Variants in VWA8 observed in about 807,000 individuals in gnomAD.
The protein encoded by VWA8 is von Willebrand factor A domain-containing protein 8.
A neutral mutation model predicts 241.5 loss-of-function variants in VWA8; 221 were observed. That is an observed-to-expected ratio of 0.91 (90% CI 0.82 to 1.02). VWA8 has a LOEUF of 1.02. Ranked by LOEUF, VWA8 falls within the 50% of genes least tolerant of loss-of-function variation. The pLI, the probability that VWA8 is intolerant of heterozygous loss-of-function variation, is 0.00. For missense variants in VWA8, 2,322 were observed against 2,328.7 expected, an observed-to-expected ratio of 1.00 and a Z score of 0.06; for synonymous variants, 852 against 827.1, an observed-to-expected ratio of 1.03 and a Z score of -0.52.
At chr13:41,615,789 C>A (rs944650750) in intron 37 of VWA8, among the ~76,000 whole-genome samples, 1 of 152,188 alleles carries the variant, frequency 6.6e-6, no homozygotes, top group Non-Finnish European at 1.5e-5. Flanking sequence ...CTTCCTATTT[C>A]ATTCAGTACA....
intron 14 of VWA8, among the ~76,000 whole-genome samples, chr13:41,821,913 C>A (rs1231512225): frequency 6.6e-6 from 1 of 152,030 alleles, no homozygotes; most frequent in African/African-American, 2.4e-5. Context: ...CAAAAAAGAG[C>A]ACACACTGTG....
intron 37 of VWA8, among the ~76,000 whole-genome samples, chr13:41,652,682 C>T (rs780980492): frequency 1.3e-5 from 2 of 152,068 alleles, no homozygotes; most frequent in Non-Finnish European, 2.9e-5. Flanking sequence ...GTGATGGAAC[C>T]AGAAAGAGGA....
In VWA8 at chr13:41,587,500, T is replaced by C. The variant is rs750947656; in HGVS notation, c.5271+12A>G. Reference sequence around the variant, plus strand: ...AATGATGCCTCTCATTATTCTTAGTTCATGTCATTACCTGGAACTTCTCCT... The same window carrying C: ...AATGATGCCTCTCATTATTCTTAGTCCATGTCATTACCTGGAACTTCTCCT... On this transcript the variant is annotated intron_variant, in intron 42 of 44. Transcript: ENST00000379310. The C allele has an allele frequency of 1.9e-6, 3 of 1,614,106 alleles. No homozygotes were observed. Among genetic ancestry groups the C allele is most frequent in the South Asian group, 2.2e-5 (2 of 91,072 alleles).
intron 39 of VWA8, among the ~76,000 whole-genome samples, chr13:41,606,201 A>C (rs117069977): frequency 6.6e-6 from 1 of 152,040 alleles, no homozygotes; most frequent in East Asian, 1.9e-4. Context: ...TGTCTCCCCA[A>C]CTAGGCTCTA....
chr13:41,708,818 C>T (rs2045298917), intron 26 of VWA8, among the ~76,000 whole-genome samples: 1 of 152,136 alleles, frequency 6.6e-6, no homozygotes, highest in South Asian at 2.1e-4. Context: ...GTGCTGTTGC[C>T]CAGCGTCACT....
At chr13:41,921,390 C>T (rs1039928807) in intron 2 of VWA8, among the ~76,000 whole-genome samples, 2 of 152,170 alleles carry the variant, frequency 1.3e-5, no homozygotes, top group Admixed American at 1.3e-4. Context: ...GACAGGGATG[C>T]CCTCTCTCAC....
intron 1 of VWA8, among the ~76,000 whole-genome samples, chr13:41,955,002 A>T (rs970827089): frequency 5.9e-5 from 9 of 152,226 alleles, no homozygotes; most frequent in African/African-American, 2.2e-4. Context: ...CTAAGTTTTA[A>T]TCATCATTTT....
chr13:41,626,251 A>G (rs2044690220), intron 37 of VWA8, among the ~76,000 whole-genome samples: 2 of 151,964 alleles, frequency 1.3e-5, no homozygotes, highest in African/African-American at 4.8e-5. Context: ...TAAAAAGAAA[A>G]CACTCATAAA....
intron 4 of VWA8, among the ~76,000 whole-genome samples, chr13:41,898,631 G>C (rs934529230): frequency 1.3e-5 from 2 of 152,380 alleles, no homozygotes; most frequent in African/African-American, 4.8e-5. Context: ...GGAGCAGGGG[G>C]CGGCATTCGT....
chr13:41,704,216 T>C (rs2045268446), intron 26 of VWA8, among the ~76,000 whole-genome samples: 1 of 152,194 alleles, frequency 6.6e-6, no homozygotes, highest in Non-Finnish European at 1.5e-5. Flanking sequence ...AATGTCCACA[T>C]AAATGTCAGC....
intron 16 of VWA8, among the ~76,000 whole-genome samples, chr13:41,812,624 A>T (rs1225888574): frequency 4.6e-5 from 7 of 152,160 alleles, no homozygotes; most frequent in Admixed American, 3.3e-4. Flanking sequence ...AGAAAAAAAT[A>T]ATTTATTTAT....
chr13:41,848,332 C>T (rs1248002924), intron 12 of VWA8, among the ~76,000 whole-genome samples: 1 of 152,144 alleles, frequency 6.6e-6, no homozygotes, highest in Non-Finnish European at 1.5e-5. Flanking sequence ...TCACTTGAAG[C>T]AACATAGAAA....
In VWA8 at chr13:41,570,468, C is replaced by T. The variant is rs915123929; in HGVS notation, c.5609G>A (p.Arg1870Lys). 2.9e-5 allele frequency: 46 copies of T among 1,613,308 alleles called. No homozygotes were observed. Among genetic ancestry groups the T allele is most frequent in the Non-Finnish European group, 3.3e-5 (39 of 1,179,402 alleles). ...FIGSLGDQAT[R>K]LQRTLPAGRS... is the part of the protein sequence containing the mutation. ...TTCTGTATGCTCAGATGACACTTAC[C>T]TGGTTGCTTGATCACCTAAAGAGCC... The change falls in exon 44 of 45, where the codon AGG becomes AAG. Residue 1870 changes from arginine (R) to lysine (K), a missense_variant and splice_region_variant. Coordinates refer to ENST00000379310, the MANE Select transcript of VWA8 (RefSeq NM_015058.2).
At chr13:41,824,596 G>A (rs1471005001) in intron 14 of VWA8, among the ~76,000 whole-genome samples, 2 of 152,032 alleles carry the variant, frequency 1.3e-5, no homozygotes, top group Admixed American at 6.6e-5. Flanking sequence ...AGGAGGGTGA[G>A]GAGGGAGGAC....
chr13:41,826,828 T>C (rs1015398361), intron 14 of VWA8, among the ~76,000 whole-genome samples: 2 of 152,090 alleles, frequency 1.3e-5, no homozygotes, highest in Non-Finnish European at 2.9e-5. Flanking sequence ...GAGCCGAGAT[T>C]GTGCCACTGC....
chr13:41,883,300 G>C (rs1452114019), intron 9 of VWA8, 87 bp downstream of exon 9: 25 of 1,007,008 alleles, frequency 2.5e-5, no homozygotes, highest in Non-Finnish European at 3.8e-5. Flanking sequence ...AATAGGAAAG[G>C]TGGGGAAAGG....
intron 2 of VWA8, among the ~76,000 whole-genome samples, chr13:41,919,392 C>A (rs902653412): frequency 6.6e-6 from 1 of 152,202 alleles, no homozygotes; most frequent in South Asian, 2.1e-4. Flanking sequence ...CCAGAGTACA[C>A]ATTCTGTGCT....
At position 41,575,751 on chromosome 13, in the gene VWA8, C is replaced by A; in HGVS notation, c.5359G>T (p.Glu1787Ter). 6.2e-7 allele frequency: 1 copy of A among 1,611,870 alleles called. No homozygotes were observed. Among genetic ancestry groups the A allele is most frequent in the Non-Finnish European group, 8.5e-7 (1 of 1,178,868 alleles). ...KIPKDNKQRL[E>*]ILKTMHAHSQ... is the part of the protein sequence containing the mutation. ...TAAAATATATTTACCTTCAGAATTT[C>A]TAGTCTTTGCTTATTGTCCTTGGGG... Residue 1787 changes from glutamate to a stop codon, truncating the protein, a stop_gained, in exon 43 of 45, where the codon GAA becomes TAA. Transcript: ENST00000379310. LOFTEE classifies it high-confidence loss of function.
intron 2 of VWA8, among the ~76,000 whole-genome samples, chr13:41,936,735 A>G (rs907223974): frequency 2.6e-5 from 4 of 152,210 alleles, no homozygotes; most frequent in Non-Finnish European, 5.9e-5. Flanking sequence ...GAAAATGGCT[A>G]AGAGAATAGA....
Sources: allele counts gnomAD v4.1 joint callset (sites outside exome capture counted in the v4.1 genomes callset), GRCh38; gene constraint gnomAD v4.1.1; transcripts MANE v1.5; gene names NCBI Gene and HGNC (gene_info 2026-07-23, HGNC 2026-07-21).